Variants in HMCN2 observed in about 807,000 individuals in gnomAD.
The protein encoded by HMCN2 is hemicentin-2.
A neutral mutation model predicts 377.5 loss-of-function variants in HMCN2; 325 were observed. That is an observed-to-expected ratio of 0.86 (90% CI 0.79 to 0.94). The LOEUF is 0.94. HMCN2 is among the 40% of genes least tolerant of loss of function. The pLI, the probability that HMCN2 is intolerant of heterozygous loss-of-function variation, is 0.00. For synonymous variants in HMCN2, 2,007 were observed against 2,046.8 expected, an observed-to-expected ratio of 0.98 and a Z score of 0.53; for missense variants, 4,543 against 4,725.3, an observed-to-expected ratio of 0.96 and a Z score of 1.13.
intron 82 of HMCN2, 41 bp downstream of exon 82, chr9:130,406,209 C>T (rs1219476418): frequency 2.3e-6 from 3 of 1,283,326 alleles, no homozygotes; most frequent in Non-Finnish European, 3.1e-6. Context: ...AGAGCCAGGA[C>T]ACCGGGAGGT....
chr9:130,412,941 T>TGAG (rs1843505459), intron 85 of HMCN2, among the ~76,000 whole-genome samples: 1 of 152,186 alleles, frequency 6.6e-6, no homozygotes, highest in Non-Finnish European at 1.5e-5. Context: ...TGAGTTAATC[T>TGAG]TTGTGTGGGG....
intron 62 of HMCN2, 69 bp downstream of exon 62, chr9:130,388,609 G>A (rs981138980): frequency 1.5e-5 from 15 of 975,038 alleles, no homozygotes; most frequent in African/African-American, 3.5e-5. Flanking sequence ...CAGCAGAAGC[G>A]GACGAAGGAA....
chr9:130,340,383 G>A (rs1420446593), intron 23 of HMCN2, among the ~76,000 whole-genome samples: 2 of 152,218 alleles, frequency 1.3e-5, no homozygotes, highest in Admixed American at 1.3e-4. Flanking sequence ...AGGGTCCCTT[G>A]GCTATAAGGA....
chr9:130,432,751 C>G (rs1344400038), intron 97 of HMCN2, 196 bp downstream of exon 97: 1 of 611,126 alleles, frequency 1.6e-6, no homozygotes, highest in Non-Finnish European at 2.9e-6. Flanking sequence ...ACCCCAGACA[C>G]AGGACCACCA....
chr9:130,357,158 G>A (rs1427417719), intron 34 of HMCN2, among the ~76,000 whole-genome samples: 2 of 140,062 alleles, frequency 1.4e-5, no homozygotes, highest in East Asian at 4.8e-4. Context: ...GGATGGATGG[G>A]TAAATGGATA....
In HMCN2 at chr9:130,269,114, C is replaced by T. The variant is rs182929667; in HGVS notation, c.259+2977C>T. 1.5e-3 allele frequency among the ~76,000 whole-genome samples: 228 copies of T among 148,192 alleles called. 2 individuals are homozygous for T. Among genetic ancestry groups the T allele is most frequent in the African/African-American group, 5.3e-3 (218 of 41,188 alleles). On this transcript the variant is annotated intron_variant, in intron 1 of 97. Transcript: ENST00000683500. ...TCTCCTAAACCCCAAGAGGCGGGTG[C>T]GGGGCAAATCGTGGCGGTTCTAGAC...
rs554441549 is a variant in HMCN2, at chr9:130,423,395, C to T, written c.13381+669C>T. On this transcript the variant is annotated intron_variant, in intron 87 of 97. Transcript: ENST00000683500. The surrounding 1 kb of genome is among the most constrained non-coding windows in gnomAD (Gnocchi z 5.5). ...GAAGCTGCCCTTGGCCATGGTCCCGCATGAGCAGTGTGGGGTCAGGGGATT... is the reference window on the plus strand; with the variant it reads ...GAAGCTGCCCTTGGCCATGGTCCCGTATGAGCAGTGTGGGGTCAGGGGATT... 1.3e-5 allele frequency among the ~76,000 whole-genome samples: 2 copies of T among 152,318 alleles called. No individual in the cohort carries two copies. Among genetic ancestry groups the T allele is most frequent in the Admixed American group, 1.3e-4 (2 of 15,300 alleles).
At chr9:130,282,314 G>A (rs782086897) in intron 1 of HMCN2, among the ~76,000 whole-genome samples, 2 of 152,214 alleles carry the variant, frequency 1.3e-5, no homozygotes, top group Admixed American at 6.5e-5. Context: ...CACAGTGATG[G>A]TTCTTGGTCA....
rs537865908 is a variant in HMCN2 at position 130,392,792 on chromosome 9, C to G, written c.10137-420C>G. 3.2e-3 allele frequency among the ~76,000 whole-genome samples: 489 copies of G among 152,158 alleles called. 1 individual carries two copies. The highest frequency in any genetic ancestry group is 9.5e-3 in the African/African-American group (394 of 41,520). On this transcript the variant is annotated intron_variant, in intron 66 of 97. Transcript: ENST00000683500. ...CGGGCAGATTACAAGGTCAGGAGAT[C>G]AAGACCATCCTGGCTAACACGGTGA...
rs746100359 is a variant in HMCN2 at position 130,351,471 on chromosome 9, G to A, written c.4479G>A (p.Gln1493=). ...ACCTGCAGGTCCAGGAGGATGGCCAGGTTCTCAGGATCACCGGCAGTCACG... is the reference window on the plus strand; with the variant it reads ...ACCTGCAGGTCCAGGAGGATGGCCAAGTTCTCAGGATCACCGGCAGTCACG... The part of the protein sequence containing the change: ...GPHLQVQEDG[Q]VLRITGSHVG... The change falls in exon 30 of 98, where the codon CAG becomes CAA. Residue 1493 remains glutamine (Q), a synonymous_variant. Transcript: ENST00000683500. This position sits in a 1 kb window ranked among gnomAD's most constrained non-coding sequence, Gnocchi z 5.4. The A allele has an allele frequency of 3.0e-5, 39 of 1,304,312 alleles. No individual in the cohort carries two copies. The highest frequency in any genetic ancestry group is 3.8e-5 in the Non-Finnish European group (38 of 988,956). The allele number at this position is 1,304,312 out of a possible 1,614,324, so 80.8% of individuals were successfully genotyped here. A position where few individuals can be genotyped will look rare whatever the true frequency, so the allele number is the denominator to read the frequency against.
At chr9:130,387,507 T>A (rs377098379) in intron 61 of HMCN2, among the ~76,000 whole-genome samples, 1 of 152,090 alleles carries the variant, frequency 6.6e-6, no homozygotes, top group Admixed American at 6.5e-5. Context: ...AGAGCAGAAG[T>A]GGTGGGCAAG....
At chr9:130,433,186 C>T (rs948840019) in intron 97 of HMCN2, 162 bp from the exon 98 acceptor site, 4 of 539,748 alleles carry the variant, frequency 7.4e-6, no homozygotes, top group African/African-American at 6.0e-5. Flanking sequence ...AACGGGCTAG[C>T]GTGGGAGCCT....
In HMCN2 at chr9:130,361,427, C is replaced by T. The variant is rs1002164684; in HGVS notation, c.5951-581C>T. On this transcript the variant is annotated intron_variant, in intron 38 of 97. Coordinates refer to ENST00000683500, the MANE Select transcript of HMCN2 (RefSeq NM_001291815.2). The surrounding 1 kb of genome is among the most constrained non-coding windows in gnomAD (Gnocchi z 4.8). ...AGGAGGCCACGGGGCCTGGGATTTA[C>T]AACACTGAGAAGAGGGCCAGGATGG... 1.2e-4 allele frequency among the ~76,000 whole-genome samples: 18 copies of T among 152,174 alleles called. No homozygotes were observed. The highest frequency in any genetic ancestry group is 3.9e-4 in the African/African-American group (16 of 41,452).
At chr9:130,386,098 T>G (rs1023773563) in intron 60 of HMCN2, among the ~76,000 whole-genome samples, 2 of 150,926 alleles carry the variant, frequency 1.3e-5, no homozygotes, top group South Asian at 2.1e-4. Context: ...TTCCGTGGAG[T>G]GGATTAGATG....
At position 130,398,644 on chromosome 9, in the gene HMCN2, C is replaced by A. The variant is rs1285797033; in HGVS notation, c.11420C>A (p.Pro3807His). Residue 3807 changes from proline to histidine, a missense_variant, in exon 75 of 98, where the codon CCC becomes CAC. Around this residue, in one of 5 missense-constraint regions of HMCN2, gnomAD observed 1,073 missense variants for 1,319.5 expected, o/e 0.81. Transcript: ENST00000683500. ...TGCGAGGCCAGCGGCTCCCCTAAGCCCCTGGTGGTCTGGTGGAAGGACGGA... is the reference window on the plus strand; with the variant it reads ...TGCGAGGCCAGCGGCTCCCCTAAGCACCTGGTGGTCTGGTGGAAGGACGGA... ...LPCEASGSPK[P>H]LVVWWKDGQK... 7.8e-7 allele frequency: 1 copy of A among 1,289,568 alleles called. No individual in the cohort carries two copies. The highest frequency in any genetic ancestry group is 1.0e-6 in the Non-Finnish European group (1 of 988,646). The allele number at this position is 1,289,568 out of a possible 1,614,324, so 79.9% of individuals were successfully genotyped here.
At chr9:130,282,985 C>T (rs1554926270) in intron 1 of HMCN2, among the ~76,000 whole-genome samples, 2 of 152,108 alleles carry the variant, frequency 1.3e-5, no homozygotes, top group African/African-American at 4.8e-5. Flanking sequence ...GCAAGAGAAT[C>T]GCTTGAACCT....
chr9:130,433,364 T>G lies in HMCN2; in HGVS notation c.14911T>G (p.Cys4971Gly), dbSNP rs1276345631. 4.1e-6 allele frequency: 6 copies of G among 1,464,700 alleles called. No individual in the cohort carries two copies. The East Asian group carries it at 1.8e-4, about 43-fold the overall frequency. The allele number at this position is 1,464,700 out of a possible 1,614,324, so 90.7% of individuals were successfully genotyped here. Residue 4971 changes from cysteine (C) to glycine (G), a missense_variant, in exon 98 of 98, where the codon TGC becomes GGC. Around this residue, in one of 5 missense-constraint regions of HMCN2, gnomAD observed 1,155 missense variants for 1,157.7 expected, o/e 1.00. Coordinates refer to ENST00000683500, the MANE Select transcript of HMCN2 (RefSeq NM_001291815.2). ...CGCCCGCAGGACGTGCTTCCGGCGC[T>G]GCTCGCAGGACTGCGGCACGGGCGG... The part of the protein sequence containing the change: ...GPSPGTCFRR[C>G]SQDCGTGGPS...
chr9:130,288,131 C>T (rs113749005), intron 4 of HMCN2, among the ~76,000 whole-genome samples: 1 of 152,182 alleles, frequency 6.6e-6, no homozygotes, highest in East Asian at 1.9e-4. Flanking sequence ...TGCATGGGAA[C>T]TTGGTTCCTG....
intron 1 of HMCN2, among the ~76,000 whole-genome samples, chr9:130,274,695 A>T (rs1350397539): frequency 6.6e-6 from 1 of 152,204 alleles, no homozygotes; most frequent in Admixed American, 6.5e-5. Flanking sequence ...GTATGTGTAT[A>T]CATTCACTCG....
Sources: gnomAD v4.1 joint callset for allele counts (sites outside exome capture counted in the v4.1 genomes callset) on GRCh38, gnomAD v4.1.1 for gene constraint, gnomAD v4.1.1 regional missense constraint, Gnocchi (gnomAD v3.1) non-coding constraint, MANE v1.5 for transcripts, NCBI Gene and HGNC (gene_info 2026-07-23, HGNC 2026-07-21) for gene names.